TAF4: variants seen among roughly 807,000 people sequenced by gnomAD.
TAF4 encodes the protein TATA-box binding protein associated factor 4, also known as transcription initiation factor TFIID subunit 4.
Under a neutral mutation model 90.3 loss-of-function variants are expected in TAF4, and 9 were observed. That is an observed-to-expected ratio of 0.10 (90% CI 0.06 to 0.17). The LOEUF (loss-of-function observed/expected upper bound fraction) is 0.17. TAF4 is among the 10% of genes least tolerant of loss of function. The pLI is 1.00. For synonymous variants in TAF4, 818 were observed against 638.9 expected (o/e 1.28, Z -4.23); for missense variants, 1,351 against 1,370.7 (o/e 0.99, Z 0.23).
At chr20:61,978,892 C>G (rs914719308) in intron 14 of TAF4, 25 of 153,466 alleles carry the variant, frequency 1.6e-4, no homozygotes, top group African/African-American at 5.8e-4. Context: ...AATTTTTCTT[C>G]AAATTTTTCT....
At chr20:62,050,788 G>A (rs898110632) in intron 1 of TAF4, among the ~76,000 whole-genome samples, 3 of 152,044 alleles carry the variant, frequency 2.0e-5, no homozygotes, top group Non-Finnish European at 2.9e-5. Flanking sequence ...GACCTCTGCC[G>A]AGGAAACACA....
chr20:61,977,711 G>A (rs1406164674), intron 14 of TAF4, among the ~76,000 whole-genome samples: 1 of 152,202 alleles, frequency 6.6e-6, no homozygotes, highest in Non-Finnish European at 1.5e-5. Context: ...TGCTACTGAA[G>A]CCTCCGCACT....
rs2055659441 is a variant in TAF4 at position 61,995,771 on chromosome 20, G to A, written c.3090+1779C>T. Among the ~76,000 whole-genome samples, 2 of 50,372 alleles carry A rather than the reference G, an allele frequency of 4.0e-5. 1 individual carries two copies. Among genetic ancestry groups the A allele is most frequent in the Non-Finnish European group, 7.6e-5 (2 of 26,276 alleles). 33.0% of individuals were successfully genotyped at this position (50,372 alleles called of 152,430 possible). A position where few individuals can be genotyped will look rare whatever the true frequency, so the allele number is the denominator to read the frequency against. ...CCAGCTACTGGGGAGGCTGAGGCAG[G>A]AGAATGGCGTGAACCCGGGAAGCGG... On this transcript the variant is annotated intron_variant, in intron 14 of 14. Transcript: ENST00000252996.
rs187815922 is a variant in TAF4 at position 62,014,514 on chromosome 20, G to A, written c.1521+33C>T. 34 of 1,566,250 alleles carry A rather than the reference G, an allele frequency of 2.2e-5. No homozygotes were observed. The Admixed American group carries it at 4.1e-4, about 19-fold the overall frequency. ...GTGGGGAGAGGGGCTGGGCAGGGAA[G>A]GGGTTCGCACTCCAGGGCACACGTG... On this transcript the variant is annotated intron_variant, in intron 2 of 14. Transcript: ENST00000252996.
intron 1 of TAF4, among the ~76,000 whole-genome samples, chr20:62,016,512 G>C (rs2055812898): frequency 6.6e-6 from 1 of 152,204 alleles, no homozygotes; most frequent in Admixed American, 6.5e-5. Flanking sequence ...TGGAACTTCA[G>C]ACTCCAAGTT....
chr20:61,984,471 G>A (rs575906992), intron 14 of TAF4, among the ~76,000 whole-genome samples: 9 of 152,220 alleles, frequency 5.9e-5, no homozygotes, highest in South Asian at 2.1e-4. Context: ...ACCTGTCACC[G>A]TGTCGACAGC....
At chr20:61,978,060 C>T (rs924799576) in intron 14 of TAF4, among the ~76,000 whole-genome samples, 2 of 127,826 alleles carry the variant, frequency 1.6e-5, no homozygotes, top group East Asian at 5.0e-4. Context: ...CAAGGGAGGG[C>T]GCGACACCAA....
chr20:62,046,342 A>G (rs1470185709), intron 1 of TAF4, among the ~76,000 whole-genome samples: 1 of 152,266 alleles, frequency 6.6e-6, no homozygotes, highest in Non-Finnish European at 1.5e-5. Flanking sequence ...AAACGTTTCT[A>G]TTCGCTTAAA....
chr20:62,024,871 C>CAA (rs75409638), intron 1 of TAF4, among the ~76,000 whole-genome samples: 7 of 136,888 alleles, frequency 5.1e-5, no homozygotes, highest in African/African-American at 1.6e-4. Flanking sequence ...CTCCGCGTCT[C>CAA]AAAAAAAAAA....
chr20:62,039,015 T>G (rs1485272379), intron 1 of TAF4, among the ~76,000 whole-genome samples: 1 of 152,222 alleles, frequency 6.6e-6, no homozygotes, highest in East Asian at 1.9e-4. Flanking sequence ...ATCGTGCCAC[T>G]GCACTCCAGG....
chr20:62,045,700 C>A (rs1426700519), intron 1 of TAF4, among the ~76,000 whole-genome samples: 10 of 152,338 alleles, frequency 6.6e-5, no homozygotes, highest in Non-Finnish European at 1.2e-4. Context: ...TTGCCACACA[C>A]CTGCTCCTGG....
intron 1 of TAF4, among the ~76,000 whole-genome samples, 164 bp from the exon 2 acceptor site, chr20:62,014,871 T>C (rs1413229243): frequency 6.6e-6 from 1 of 152,052 alleles, no homozygotes; most frequent in East Asian, 1.9e-4. Context: ...TGAGTCAAGA[T>C]GGTATACAAG....
intron 11 of TAF4, among the ~76,000 whole-genome samples, 189 bp downstream of exon 11, chr20:61,999,931 AGAGT>A (rs1380606596): frequency 6.6e-6 from 1 of 152,242 alleles, no homozygotes; most frequent in Non-Finnish European, 1.5e-5. Flanking sequence ...CCTGGGCAAC[AGAGT>A]GAGACCCTAC....
intron 9 of TAF4, among the ~76,000 whole-genome samples, chr20:62,002,757 A>G (rs1474394181): frequency 6.6e-6 from 1 of 152,188 alleles, no homozygotes. Flanking sequence ...AGCCTCCTGT[A>G]GTGCTGGCAC....
chr20:62,033,154 G>A (rs1026272570), intron 1 of TAF4, among the ~76,000 whole-genome samples: 7 of 152,198 alleles, frequency 4.6e-5, no homozygotes, highest in Non-Finnish European at 1.0e-4. Context: ...GGCCACAGAT[G>A]AGATCCCTCA....
intron 14 of TAF4, among the ~76,000 whole-genome samples, chr20:61,986,944 G>A (rs2055596585): frequency 6.6e-6 from 1 of 152,190 alleles, no homozygotes; most frequent in Non-Finnish European, 1.5e-5. Context: ...CCCACGCAGG[G>A]GCCAAAGGCC....
At chr20:62,056,731 G>T (rs1408197405) in intron 1 of TAF4, among the ~76,000 whole-genome samples, 1 of 152,174 alleles carries the variant, frequency 6.6e-6, no homozygotes, top group Non-Finnish European at 1.5e-5. Context: ...AATTTTAGCA[G>T]TCTGGGCCAG....
At chr20:62,049,762 G>C (rs1410117034) in intron 1 of TAF4, among the ~76,000 whole-genome samples, 1 of 150,704 alleles carries the variant, frequency 6.6e-6, no homozygotes, top group Non-Finnish European at 1.5e-5. Flanking sequence ...TCCAGAGCCC[G>C]GGTTTCTAGC....
chr20:61,984,694 A>T (rs1185006440), intron 14 of TAF4, among the ~76,000 whole-genome samples: 1 of 107,230 alleles, frequency 9.3e-6, no homozygotes, highest in Non-Finnish European at 2.1e-5. Flanking sequence ...GCTGGGAAAG[A>T]GGAAGCTCCT....
Sources: allele counts gnomAD v4.1 joint callset (sites outside exome capture counted in the v4.1 genomes callset), GRCh38; gene constraint gnomAD v4.1.1; transcripts MANE v1.5; gene names NCBI Gene and HGNC (gene_info 2026-07-23, HGNC 2026-07-21).